Variants in NDUFA10 observed in about 807,000 individuals in gnomAD.
NDUFA10 encodes NADH:ubiquinone oxidoreductase subunit A10.
A neutral mutation model predicts 47.8 loss-of-function variants in NDUFA10; 40 were observed. That is an observed-to-expected ratio of 0.84 (90% confidence interval 0.65 to 1.09). NDUFA10 has a LOEUF of 1.09. NDUFA10 is among the 50% of genes least tolerant of loss of function. The pLI, the probability that NDUFA10 is intolerant of heterozygous loss-of-function variation, is 0.00. For missense variants in NDUFA10, 413 were observed against 451.1 expected, an observed-to-expected ratio of 0.92 and a Z score of 0.76; for synonymous variants, 183 against 172.2, an observed-to-expected ratio of 1.06 and a Z score of -0.49.
chr2:239,947,235 G>A (rs1694470801), intron 4 of NDUFA10, among the ~76,000 whole-genome samples: 1 of 152,202 alleles, frequency 6.6e-6, no homozygotes, highest in South Asian at 2.1e-4. Context: ...CTGGCAGCAG[G>A]CATCCGAGCC....
In NDUFA10 at chr2:240,022,245, G is replaced by A; in HGVS notation, c.171C>T (p.Ser57=). 2 of 1,613,994 alleles carry A rather than the reference G, an allele frequency of 1.2e-6. No homozygotes were observed. Among genetic ancestry groups the A allele is most frequent in the Non-Finnish European group, 1.7e-6 (2 of 1,180,012 alleles). The change falls in exon 2 of 10, where the codon AGC becomes AGT. Residue 57 remains serine, a synonymous_variant. Transcript: ENST00000252711. ...DKASKRLTER[S]RVITVDGNIC... ...TATTGCCATCTACAGTTATCACTCT[G>A]CTGCGTTCTGTCAGTCTTTTGCTTG... is the stretch of plus-strand genomic sequence containing the variant.
downstream of NDUFA10, among the ~76,000 whole-genome samples, chr2:239,952,620 C>A (rs746701997): frequency 8.7e-4 from 132 of 152,248 alleles, 1 homozygote; most frequent in Non-Finnish European, 1.5e-3. Context: ...CTCCCAGAGG[C>A]CTCCCTCCCC....
intron 3 of NDUFA10, 22 bp from the exon 4 acceptor site, chr2:240,018,661 G>A: frequency 6.2e-7 from 1 of 1,613,128 alleles, no homozygotes; most frequent in Non-Finnish European, 8.5e-7. Context: ...TAGGCAAACA[G>A]AAATTGAAAA....
chr2:239,910,564 G>A (rs957244922), intron 4 of NDUFA10, among the ~76,000 whole-genome samples: 1 of 152,066 alleles, frequency 6.6e-6, no homozygotes, highest in Non-Finnish European at 1.5e-5. Flanking sequence ...GGCCTGCTGG[G>A]GGGTGTTGAG....
chr2:239,893,458 G>C (rs1375172524), intron 5 of NDUFA10, among the ~76,000 whole-genome samples: 1 of 152,208 alleles, frequency 6.6e-6, no homozygotes, highest in Non-Finnish European at 1.5e-5. Flanking sequence ...ATAGATTATA[G>C]AAAAAGAATA....
chr2:239,973,188 G>A (rs533267280), intron 9 of NDUFA10, among the ~76,000 whole-genome samples: 11 of 152,218 alleles, frequency 7.2e-5, no homozygotes, highest in African/African-American at 2.4e-4. Flanking sequence ...AAGGCATTAC[G>A]CATTTACTTT....
rs1694737098 is a variant in NDUFA10, at chr2:239,958,961, G to T, written c.*2157C>A. 1 of 985,408 alleles carries T rather than the reference G, an allele frequency of 1.0e-6. No homozygotes were observed. Among genetic ancestry groups the T allele is most frequent in the African/African-American group, 1.7e-5 (1 of 57,344 alleles). 61.0% of individuals were successfully genotyped at this position (985,408 alleles called of 1,614,324 possible). ...GTTGGTGCTGTTGTTTTAGTTGTAA[G>T]AGCTTTCGTGAGACGAACGCATGTA... On this transcript the variant is annotated 3_prime_UTR_variant, in exon 10 of 10. Transcript: ENST00000252711.
intron 4 of NDUFA10, among the ~76,000 whole-genome samples, chr2:239,932,976 G>A (rs1694203145): frequency 6.6e-6 from 1 of 152,228 alleles, no homozygotes; most frequent in Non-Finnish European, 1.5e-5. Flanking sequence ...GTACACGCTA[G>A]AAGCAGCCCT....
intron 9 of NDUFA10, among the ~76,000 whole-genome samples, chr2:239,970,432 C>T (rs562440452): frequency 2.0e-5 from 3 of 152,232 alleles, no homozygotes; most frequent in South Asian, 2.1e-4. Context: ...AAGATGATGC[C>T]GGGTGGAAAC....
intron 9 of NDUFA10, chr2:239,981,970 C>T: frequency 4.9e-6 from 5 of 1,025,642 alleles, no homozygotes; most frequent in Non-Finnish European, 6.9e-6. Context: ...AGAACCACTG[C>T]CATGAAAAGG....
intron 4 of NDUFA10, among the ~76,000 whole-genome samples, chr2:239,929,301 A>G (rs1041634246): frequency 6.6e-6 from 1 of 152,174 alleles, no homozygotes; most frequent in African/African-American, 2.4e-5. Flanking sequence ...GCAGAGACGC[A>G]GACACCGATG....
At chr2:239,912,165 G>C (rs751868223) in intron 4 of NDUFA10, among the ~76,000 whole-genome samples, 4 of 152,132 alleles carry the variant, frequency 2.6e-5, no homozygotes, top group African/African-American at 4.8e-5. Context: ...AGGAGGGTCT[G>C]GGCGGCACAC....
intron 2 of NDUFA10, 44 bp downstream of exon 2, chr2:240,022,128 A>G (rs779477940): frequency 4.5e-6 from 7 of 1,555,902 alleles, no homozygotes; most frequent in Admixed American, 3.3e-5. Flanking sequence ...AAGCAACCAT[A>G]TATCTGAGAA....
intron 6 of NDUFA10, among the ~76,000 whole-genome samples, chr2:240,007,600 C>A (rs918617840): frequency 9.9e-5 from 15 of 152,200 alleles, no homozygotes; most frequent in Non-Finnish European, 1.9e-4. Context: ...ACAGCAGGAC[C>A]ATTTCCTCGT....
At chr2:239,943,451 C>T (rs1489291986) in intron 4 of NDUFA10, among the ~76,000 whole-genome samples, 2 of 152,228 alleles carry the variant, frequency 1.3e-5, no homozygotes, top group Non-Finnish European at 2.9e-5. Flanking sequence ...CCTCCCGCCT[C>T]AGCCTCCCAA....
In NDUFA10 at chr2:239,990,174, T is replaced by A; in HGVS notation, c.899A>T (p.Asp300Val). The change falls in exon 9 of 10, where the codon GAT (aspartate) becomes GTT (valine). Residue 300 changes from aspartate to valine, a missense_variant. Coordinates refer to ENST00000252711, the MANE Select transcript of NDUFA10 (RefSeq NM_004544.4). ...TGTGTAATTCAGCACCTCAAACTTA[T>A]CCTGAACCCTAAAAAATAAGACACA... is the stretch of plus-strand genomic sequence containing the variant. ...TLYHLRLLVQ[D>V]KFEVLNYTSI... The A allele has an allele frequency of 6.2e-7, 1 of 1,611,476 alleles. No homozygotes were observed. Among genetic ancestry groups the A allele is most frequent in the South Asian group, 1.1e-5 (1 of 91,026 alleles).
intron 5 of NDUFA10, chr2:240,012,186 C>T (rs12478169): frequency 0.29 from 57,849 of 199,280 alleles, 9,369 homozygotes; most frequent in East Asian, 0.38. Flanking sequence ...CTTTCTACGG[C>T]TGTCACCTCT....
intron 6 of NDUFA10, 84 bp from the exon 7 acceptor site, chr2:240,007,454 C>G: frequency 1.0e-6 from 1 of 959,286 alleles, no homozygotes; most frequent in Non-Finnish European, 1.7e-6. Flanking sequence ...CCGCTAAAGT[C>G]TCCTGCTCAA....
At chr2:239,897,681 C>G (rs1457173678) in intron 4 of NDUFA10, among the ~76,000 whole-genome samples, 1 of 152,144 alleles carries the variant, frequency 6.6e-6, no homozygotes, top group Non-Finnish European at 1.5e-5. Context: ...CTCCTGGGCC[C>G]TCCTCCTCCT....
Sources: gnomAD v4.1 joint callset for allele counts (sites outside exome capture counted in the v4.1 genomes callset) on GRCh38, gnomAD v4.1.1 for gene constraint, MANE v1.5 for transcripts, NCBI Gene and HGNC (gene_info 2026-07-23, HGNC 2026-07-21) for gene names.